SLC26A4: variants seen among roughly 807,000 people sequenced by gnomAD.
SLC26A4 encodes the protein pendrin.
Under a neutral mutation model 90.4 loss-of-function variants are expected in SLC26A4, and 93 were observed. The ratio of observed to expected loss-of-function variants is 1.03; its 90% CI spans 0.87 to 1.22. The LOEUF (loss-of-function observed/expected upper bound fraction) is 1.22, where lower values mean the gene tolerates loss of function less well. Among genes scored for constraint, SLC26A4 ranks in the 50% most tolerant of loss-of-function variants. The pLI is 0.00. For missense variants in SLC26A4, 1,127 were observed against 946.2 expected (o/e 1.19, Z -2.51); for synonymous variants, 393 against 354.6 (o/e 1.11, Z -1.22).
At position 107,661,746 on chromosome 7, in the gene SLC26A4, G is replaced by A. The variant is rs2129308738; in HGVS notation, c.105G>A (p.Gln35=). 1 of 1,548,894 alleles carries A rather than the reference G, an allele frequency of 6.5e-7. No individual in the cohort carries two copies. Among genetic ancestry groups the A allele is most frequent in the African/African-American group, 1.4e-5 (1 of 73,600 alleles). ...ACAGCGAGCTCGCTTTCCAGCAACA[G>A]CACGAGCGGCGCCTGCAGGAGCGCA... ...PVYSELAFQQ[Q]HERRLQERKT... is the part of the protein sequence containing the mutation. Residue 35 remains glutamine (Q), a synonymous_variant, in exon 2 of 21, where the codon CAG becomes CAA. Coordinates refer to ENST00000644269, the MANE Select transcript of SLC26A4 (RefSeq NM_000441.2). This position sits in a 1 kb window ranked among gnomAD's most constrained non-coding sequence, Gnocchi z 5.1.
At chr7:107,692,497 C>T (rs761569521) in intron 10 of SLC26A4, among the ~76,000 whole-genome samples, 12 of 152,194 alleles carry the variant, frequency 7.9e-5, no homozygotes, top group Admixed American at 2.0e-4. Flanking sequence ...CTCATTGTTT[C>T]ACTCCTTTAG....
intron 3 of SLC26A4, among the ~76,000 whole-genome samples, chr7:107,664,258 C>A (rs1790650598): frequency 6.6e-6 from 1 of 151,832 alleles, no homozygotes; most frequent in Admixed American, 6.6e-5. Flanking sequence ...GAGATACAGT[C>A]TTGCTCTGTC....
At chr7:107,694,296 A>T in intron 10 of SLC26A4, 107 bp from the exon 11 acceptor site, 1 of 807,136 alleles carries the variant, frequency 1.2e-6, no homozygotes, top group Non-Finnish European at 2.2e-6. Context: ...GAGACAGGGA[A>T]GTATGAAGTG....
At chr7:107,681,395 A>G (rs1282580914) in intron 6 of SLC26A4, among the ~76,000 whole-genome samples, 2 of 152,210 alleles carry the variant, frequency 1.3e-5, no homozygotes, top group Non-Finnish European at 2.9e-5. Context: ...AGGTTCATTA[A>G]GTACTTAAAG....
chr7:107,680,609 T>C (rs1562827822), intron 6 of SLC26A4, among the ~76,000 whole-genome samples: 1 of 151,578 alleles, frequency 6.6e-6, no homozygotes, highest in East Asian at 1.9e-4. Context: ...TCTGAATGAC[T>C]ACTCAATATG....
intron 19 of SLC26A4, 81 bp downstream of exon 19, chr7:107,710,280 G>C: frequency 4.7e-6 from 5 of 1,058,706 alleles, no homozygotes; most frequent in Non-Finnish European, 7.3e-6. Flanking sequence ...CACAAGTCTA[G>C]TCTAGCTGTT....
chr7:107,702,684 C>CAA (rs11462799), intron 17 of SLC26A4, among the ~76,000 whole-genome samples: 1,798 of 98,880 alleles, frequency 0.018, 37 homozygotes, highest in African/African-American at 0.028. Context: ...GACTTCATCT[C>CAA]AAAAAAAAAA....
intron 10 of SLC26A4, chr7:107,693,541 C>T (rs1362445274): frequency 2.0e-6 from 2 of 985,104 alleles, no homozygotes; most frequent in East Asian, 2.3e-4. Context: ...TCCTTTTCTT[C>T]TTTGTTTCAG....
chr7:107,686,119 G>A (rs561794145), intron 8 of SLC26A4, among the ~76,000 whole-genome samples: 2 of 151,482 alleles, frequency 1.3e-5, no homozygotes, highest in African/African-American at 2.4e-5. Context: ...GTGTGTGTGT[G>A]TGTGTATAAA....
In SLC26A4 at chr7:107,661,965, C is replaced by A; in HGVS notation, c.164+160C>A. The A allele has an allele frequency of 1.3e-6, 1 of 749,024 alleles. No individual in the cohort carries two copies. Among genetic ancestry groups the A allele is most frequent in the Non-Finnish European group, 2.1e-6 (1 of 474,336 alleles). 46.4% of individuals were successfully genotyped at this position (749,024 alleles called of 1,614,324 possible). On this transcript the variant is annotated intron_variant, in intron 2 of 20. Transcript: ENST00000644269. The surrounding 1 kb of genome is among the most constrained non-coding windows in gnomAD (Gnocchi z 5.1). ...GCCCGACTTTCGGTCTCCGGTCCTCCACGCCGCCCTTCTGGTGGGAGGGTG... is the reference window on the plus strand; with the variant it reads ...GCCCGACTTTCGGTCTCCGGTCCTCAACGCCGCCCTTCTGGTGGGAGGGTG...
intron 3 of SLC26A4, among the ~76,000 whole-genome samples, chr7:107,664,855 A>G (rs954967433): frequency 1.3e-5 from 2 of 152,040 alleles, no homozygotes; most frequent in Admixed American, 6.6e-5. Flanking sequence ...CCAATTTCCC[A>G]AAGACCCTGA....
At chr7:107,702,684 C>CAAAAA (rs11462799) in intron 17 of SLC26A4, among the ~76,000 whole-genome samples, 1 of 99,250 alleles carries the variant, frequency 1.0e-5, no homozygotes, top group African/African-American at 3.8e-5. Context: ...GACTTCATCT[C>CAAAAA]AAAAAAAAAA....
In SLC26A4 at chr7:107,696,058, A is replaced by G. The variant is rs371074840; in HGVS notation, c.1544+19A>G. On this transcript the variant is annotated intron_variant, in intron 13 of 20. Transcript: ENST00000644269. ...TTCAGTTGTGAGTAACGTAAAACCCAGATTTCCTATAAACAGAACAACACA... is the reference window on the plus strand; with the variant it reads ...TTCAGTTGTGAGTAACGTAAAACCCGGATTTCCTATAAACAGAACAACACA... 6 of 1,329,774 alleles carry G rather than the reference A, an allele frequency of 4.5e-6. No homozygotes were observed. The African/African-American group carries it at 8.7e-5, about 19-fold the overall frequency. The allele number at this position is 1,329,774 out of a possible 1,614,324, so 82.4% of individuals were successfully genotyped here. A position where few individuals can be genotyped will look rare whatever the true frequency, so the allele number is the denominator to read the frequency against.
intron 10 of SLC26A4, chr7:107,691,883 A>C (rs1175269147): frequency 1.6e-6 from 2 of 1,255,880 alleles, no homozygotes; most frequent in African/African-American, 3.1e-5. Context: ...GGTCAGAGCC[A>C]ATTTCCAAAG....
At chr7:107,686,060 C>T (rs1791389300) in intron 8 of SLC26A4, among the ~76,000 whole-genome samples, 1 of 150,090 alleles carries the variant, frequency 6.7e-6, no homozygotes, top group Non-Finnish European at 1.5e-5. Context: ...CTCACTCTGT[C>T]ACCCAGCCTG....
chr7:107,671,353 T>G (rs1242121440), intron 3 of SLC26A4, among the ~76,000 whole-genome samples: 1 of 151,834 alleles, frequency 6.6e-6, no homozygotes, highest in Non-Finnish European at 1.5e-5. Context: ...AGAGATGGAG[T>G]CTTGCTATGT....
intron 20 of SLC26A4, among the ~76,000 whole-genome samples, chr7:107,713,492 GA>G (rs1792249811): frequency 6.6e-6 from 1 of 152,178 alleles, no homozygotes; most frequent in Non-Finnish European, 1.5e-5. Context: ...AAATATTTGA[GA>G]ATAGTTCTCA....
Position 107,661,782 on chromosome 7 carries a change from G to A in SLC26A4, c.141G>A (p.Arg47=). Residue 47 remains arginine (R), a synonymous_variant, in exon 2 of 21, where the codon CGG becomes CGA. Coordinates refer to ENST00000644269, the MANE Select transcript of SLC26A4 (RefSeq NM_000441.2). The surrounding 1 kb of genome is among the most constrained non-coding windows in gnomAD (Gnocchi z 5.1). ...GCCTGCAGGAGCGCAAGACGCTGCG[G>A]GAGAGCCTGGCCAAGTGCTGCAGGT... ...ERRLQERKTL[R]ESLAKCCSCS... The A allele has an allele frequency of 5.8e-6, 9 of 1,539,772 alleles. No individual in the cohort carries two copies. The highest frequency in any genetic ancestry group is 7.8e-6 in the Non-Finnish European group (9 of 1,147,180).
intron 3 of SLC26A4, among the ~76,000 whole-genome samples, chr7:107,665,224 G>C (rs1415161769): frequency 6.6e-6 from 1 of 152,182 alleles, no homozygotes; most frequent in Non-Finnish European, 1.5e-5. Context: ...AGCTAGTAAT[G>C]AATGTTGAGC....
Sources: gnomAD v4.1 joint callset for allele counts (sites outside exome capture counted in the v4.1 genomes callset) on GRCh38, gnomAD v4.1.1 for gene constraint, Gnocchi (gnomAD v3.1) non-coding constraint, MANE v1.5 for transcripts, NCBI Gene and HGNC (gene_info 2026-07-23, HGNC 2026-07-21) for gene names.